The following IFT80 variants were observed in gnomAD, a reference collection of about 807,000 sequenced individuals.
IFT80 encodes the protein intraflagellar transport protein 80 homolog.
A neutral mutation model predicts 107.9 loss-of-function variants in IFT80; 79 were observed. The ratio of observed to expected loss-of-function variants is 0.73; its 90% CI spans 0.61 to 0.88. The LOEUF is 0.88. Ranked by LOEUF, IFT80 falls within the 40% of genes least tolerant of loss-of-function variation. The probability of loss-of-function intolerance (pLI) is 0.00; values close to 1 mark genes in which losing one functional copy is unlikely to be tolerated. For synonymous variants in IFT80, 299 were observed against 300.9 expected (o/e 0.99, Z 0.07); for missense variants, 797 against 914.2 (o/e 0.87, Z 1.65).
chr3:160,365,897 G>A, intron 6 of IFT80, 146 bp downstream of exon 6: 1 of 685,856 alleles, frequency 1.5e-6, no homozygotes, highest in African/African-American at 1.8e-5. Context: ...GATATTCCTT[G>A]TTCTGTAATA....
chr3:160,330,972 A>T (rs1719048557), intron 8 of IFT80, among the ~76,000 whole-genome samples: 1 of 152,140 alleles, frequency 6.6e-6, no homozygotes, highest in South Asian at 2.1e-4. Context: ...TCTATATAAC[A>T]CTATGAACAG....
At chr3:160,374,284 A>G (rs1420263253) in intron 5 of IFT80, among the ~76,000 whole-genome samples, 35 of 151,832 alleles carry the variant, frequency 2.3e-4, no homozygotes, top group Non-Finnish European at 1.2e-4. Context: ...GGCTCTACAC[A>G]TGTACTCCCA....
intron 5 of IFT80, among the ~76,000 whole-genome samples, chr3:160,372,032 C>T (rs1711560179): frequency 6.6e-6 from 1 of 152,098 alleles, no homozygotes; most frequent in Non-Finnish European, 1.5e-5. Context: ...AATCCCCCCA[C>T]CCAAAACTGA....
intron 8 of IFT80, among the ~76,000 whole-genome samples, chr3:160,324,324 C>A (rs1349756881): frequency 1.3e-5 from 2 of 151,788 alleles, no homozygotes; most frequent in African/African-American, 4.8e-5. Context: ...GAGACACAAC[C>A]AAAAAAGAGA....
At chr3:160,260,320 A>C (rs997256708) in intron 19 of IFT80, among the ~76,000 whole-genome samples, 1 of 152,328 alleles carries the variant, frequency 6.6e-6, no homozygotes, top group East Asian at 1.9e-4. Flanking sequence ...GCAAAATCTG[A>C]TATTTTTTAA....
At chr3:160,377,983 T>G (rs1204463239) in intron 3 of IFT80, 1 of 153,392 alleles carries the variant, frequency 6.5e-6, no homozygotes, top group Non-Finnish European at 1.4e-5. Context: ...TGGCTTCTTG[T>G]ATCACTTATT....
intron 8 of IFT80, among the ~76,000 whole-genome samples, chr3:160,326,655 G>C (rs1379187692): frequency 6.6e-6 from 1 of 151,908 alleles, no homozygotes; most frequent in Non-Finnish European, 1.5e-5. Context: ...CAATAAACTA[G>C]GTATTGAAAG....
chr3:160,273,104 A>T (rs1713952827), intron 18 of IFT80, among the ~76,000 whole-genome samples: 1 of 152,230 alleles, frequency 6.6e-6, no homozygotes, highest in Admixed American at 6.5e-5. Flanking sequence ...ATGAATGTGC[A>T]GTTGGAACAA....
intron 1 of IFT80, among the ~76,000 whole-genome samples, chr3:160,397,026 T>C (rs1006520503): frequency 6.6e-6 from 1 of 152,228 alleles, no homozygotes; most frequent in Non-Finnish European, 1.5e-5. Context: ...AGTTGATTTA[T>C]CAAAACTATA....
intron 19 of IFT80, among the ~76,000 whole-genome samples, chr3:160,264,811 T>C (rs1352935562): frequency 6.6e-6 from 1 of 152,094 alleles, no homozygotes; most frequent in African/African-American, 2.4e-5. Context: ...TAATTTGCCC[T>C]ATGAAACCCT....
chr3:160,354,876 A>G (rs1720959338), intron 8 of IFT80, among the ~76,000 whole-genome samples: 1 of 152,194 alleles, frequency 6.6e-6, no homozygotes, highest in Non-Finnish European at 1.5e-5. Context: ...AACAGCTTTT[A>G]AAGCTAGGCA....
At chr3:160,393,612 G>A (rs144658758) in intron 1 of IFT80, among the ~76,000 whole-genome samples, 84 of 152,266 alleles carry the variant, frequency 5.5e-4, no homozygotes, top group African/African-American at 2.0e-3. Flanking sequence ...GGATGTGACA[G>A]TGGCACAACT....
chr3:160,267,496 G>A (rs1027913114), intron 19 of IFT80, among the ~76,000 whole-genome samples: 1 of 152,134 alleles, frequency 6.6e-6, no homozygotes, highest in Non-Finnish European at 1.5e-5. Flanking sequence ...TGAATAAAAG[G>A]CTAAAGAAAG....
chr3:160,266,749 G>C lies in IFT80; in HGVS notation c.2223+1664C>G, dbSNP rs190304160. On this transcript the variant is annotated intron_variant, in intron 19 of 19. Transcript: ENST00000326448. ...ATATTGAAAAAATATTGATGGCGAGGAGGAAAAAGCAGAGTAGTTTAATCT... is the reference window on the plus strand; with the variant it reads ...ATATTGAAAAAATATTGATGGCGAGCAGGAAAAAGCAGAGTAGTTTAATCT... 6.7e-3 allele frequency among the ~76,000 whole-genome samples: 1,023 copies of C among 152,232 alleles called. 8 individuals carry two copies. The highest frequency in any genetic ancestry group is 0.011 in the Non-Finnish European group (774 of 68,018).
chr3:160,273,842 C>T (rs1714015773), intron 18 of IFT80, among the ~76,000 whole-genome samples: 1 of 152,110 alleles, frequency 6.6e-6, no homozygotes, highest in South Asian at 2.1e-4. Flanking sequence ...TTCAGGTAGA[C>T]TCAGAGATCT....
chr3:160,387,223 T>C (rs1713002411), intron 1 of IFT80, among the ~76,000 whole-genome samples: 2 of 152,164 alleles, frequency 1.3e-5, no homozygotes, highest in South Asian at 2.1e-4. Context: ...AAAACAGTTG[T>C]GGCCGGGTGC....
At chr3:160,308,823 T>C (rs1330366860) in intron 9 of IFT80, among the ~76,000 whole-genome samples, 4 of 152,174 alleles carry the variant, frequency 2.6e-5, no homozygotes, top group Admixed American at 6.6e-5. Context: ...AACATGACAG[T>C]ATTAGCAGGT....
Position 160,385,162 on chromosome 3 carries a change from A to G in IFT80, c.-46-516T>C, listed in dbSNP as rs189501220. The stretch of plus-strand genomic sequence containing the variant: ...ACGGTTACCACAGTGACAATGTGAA[A>G]AATAGGTGACTTATTTAAGGAAGAG... On this transcript the variant is annotated intron_variant, in intron 1 of 19. Coordinates refer to ENST00000326448, the MANE Select transcript of IFT80 (RefSeq NM_020800.3). Among the ~76,000 whole-genome samples the G allele has an allele frequency of 1.4e-3, 214 of 152,332 alleles. 1 individual carries two copies. The highest frequency in any genetic ancestry group is 0.014 in the Admixed American group (210 of 15,302).
chr3:160,368,377 A>G (rs899660980), intron 5 of IFT80, among the ~76,000 whole-genome samples: 2 of 151,454 alleles, frequency 1.3e-5, no homozygotes, highest in African/African-American at 4.8e-5. Flanking sequence ...AAAAAAAAAA[A>G]AACCCTGAAA....
Sources: gnomAD v4.1 joint callset for allele counts (sites outside exome capture counted in the v4.1 genomes callset) on GRCh38, gnomAD v4.1.1 for gene constraint, MANE v1.5 for transcripts, NCBI Gene and HGNC (gene_info 2026-07-23, HGNC 2026-07-21) for gene names.